N4BP2: variants seen among roughly 807,000 people sequenced by gnomAD.
The protein encoded by N4BP2 is NEDD4-binding protein 2.
N4BP2 carries 91 observed loss-of-function variants against 152.8 expected under a neutral mutation model. The observed-to-expected ratio is 0.60, with a 90% CI of 0.50 to 0.71. N4BP2 has a LOEUF of 0.71. Among genes scored for constraint, N4BP2 ranks in the 30% least tolerant of loss-of-function variants. The pLI is 0.00. For missense variants in N4BP2, 1,923 were observed against 2,059.1 expected (o/e 0.93, Z 1.28); for synonymous variants, 646 against 705.3 (o/e 0.92, Z 1.33).
intron 13 of N4BP2, among the ~76,000 whole-genome samples, chr4:40,134,883 TCCTC>T (rs1319149182): frequency 1.1e-3 from 151 of 142,892 alleles, no homozygotes; most frequent in African/African-American, 3.5e-3. Flanking sequence ...CTTTCTTCCT[TCCTC>T]CCTTCCTTCC....
In N4BP2 at chr4:40,102,056, T is replaced by C; in HGVS notation, c.230-19T>C. ...CTGTCTATATTTTTGTTGTTGTTAT[T>C]ATTCTTGTTGTTGTACAGTTGAAAA... On this transcript the variant is annotated intron_variant, in intron 3 of 17. Coordinates refer to ENST00000261435, the MANE Select transcript of N4BP2 (RefSeq NM_018177.6). 6.9e-7 allele frequency: 1 copy of C among 1,454,424 alleles called. No homozygotes were observed. Among genetic ancestry groups the C allele is most frequent in the Middle Eastern group, 1.8e-4 (1 of 5,496 alleles). The allele number at this position is 1,454,424 out of a possible 1,614,324, so 90.1% of individuals were successfully genotyped here. A position where few individuals can be genotyped will look rare whatever the true frequency, so the allele number is the denominator to read the frequency against.
rs572102749 is a variant in N4BP2, at chr4:40,154,283, T to A, written c.*46T>A. On this transcript the variant is annotated 3_prime_UTR_variant, in exon 18 of 18. Transcript: ENST00000261435. ...AAGTATGAAGGTTTGTAGGTTAAAA[T>A]TACTTTTATTTGCAGTAATTCAGTC... 2.3e-6 allele frequency: 3 copies of A among 1,287,984 alleles called. No homozygotes were observed. The South Asian group carries it at 3.9e-5, about 17-fold the overall frequency. The allele number at this position is 1,287,984 out of a possible 1,614,324, so 79.8% of individuals were successfully genotyped here. A position where few individuals can be genotyped will look rare whatever the true frequency, so the allele number is the denominator to read the frequency against.
the N4BP2 span, among the ~76,000 whole-genome samples, chr4:40,175,831 C>T: frequency 1.3e-4 from 19 of 148,004 alleles, 1 homozygote; most frequent in Admixed American, 1.3e-3. Flanking sequence ...AAAAAAAGGC[C>T]TGTATTCCCA....
chr4:40,102,808 C>T lies in N4BP2; in HGVS notation c.963C>T (p.Ser321=), dbSNP rs751077254. 5.1e-5 allele frequency: 82 copies of T among 1,613,980 alleles called. No homozygotes were observed. The highest frequency in any genetic ancestry group is 6.7e-5 in the East Asian group (3 of 44,900). ...STRVSDVFLP[S]EGFNFKPHKH... ...GGGTCTCTGATGTGTTTCTACCTTC[C>T]GAAGGGTTCAACTTCAAGCCACACA... Residue 321 remains serine (S), a synonymous_variant, in exon 4 of 18, where the codon TCC becomes TCT. Coordinates refer to ENST00000261435, the MANE Select transcript of N4BP2 (RefSeq NM_018177.6).
chr4:40,125,955 C>G (rs142902061), intron 11 of N4BP2, among the ~76,000 whole-genome samples, 179 bp from the exon 12 acceptor site: 1 of 151,266 alleles, frequency 6.6e-6, no homozygotes, highest in Non-Finnish European at 1.5e-5. Flanking sequence ...TTAACACATA[C>G]TATTTCTTAC....
rs1220188753 is a variant in N4BP2, at chr4:40,142,695, A to C, written c.4808A>C (p.Glu1603Ala). ...EKKPKKLKETEETPSELSFQD... is the reference protein window; with the variant it reads ...EKKPKKLKETAETPSELSFQD... The stretch of plus-strand genomic sequence containing the variant: ...TAGCCAAAGAAATTAAAAGAGACTG[A>C]AGAAACACCAAGTGAACTGTCTTTC... The change falls in exon 15 of 18, where the codon GAA (glutamate) becomes GCA (alanine). Residue 1603 changes from glutamate (E) to alanine (A), a missense_variant. Physicochemically the swap from Glu to Ala is moderately radical, Grantham distance 107 (BLOSUM62 -1). Transcript: ENST00000261435. The C allele has an allele frequency of 6.2e-7, 1 of 1,610,626 alleles. No individual in the cohort carries two copies. Among genetic ancestry groups the C allele is most frequent in the Admixed American group, 1.7e-5 (1 of 58,882 alleles).
At chr4:40,141,483 A>G (rs1719956364) in intron 14 of N4BP2, among the ~76,000 whole-genome samples, 1 of 145,780 alleles carries the variant, frequency 6.9e-6, no homozygotes, top group East Asian at 2.5e-4. Flanking sequence ...CACATCTCAG[A>G]CGATGGGCGG....
chr4:40,123,298 G>C, intron 10 of N4BP2, 86 bp downstream of exon 10: 1 of 884,862 alleles, frequency 1.1e-6, no homozygotes, highest in East Asian at 2.5e-5. Context: ...ATAATATTAA[G>C]GAGTTCTATT....
At chr4:40,067,915 G>A (rs1339717273) in intron 1 of N4BP2, among the ~76,000 whole-genome samples, 1 of 151,918 alleles carries the variant, frequency 6.6e-6, no homozygotes, top group African/African-American at 2.4e-5. Context: ...CCTGACCTCA[G>A]GTAATCCACC....
chr4:40,180,201 T>A, the N4BP2 span, among the ~76,000 whole-genome samples: 1 of 152,188 alleles, frequency 6.6e-6, no homozygotes, highest in Non-Finnish European at 1.5e-5. Context: ...ATCTTTCATA[T>A]ACAAACAACT....
the N4BP2 span, among the ~76,000 whole-genome samples, chr4:40,168,914 C>T: frequency 5.3e-5 from 8 of 151,664 alleles, no homozygotes; most frequent in African/African-American, 1.7e-4. Context: ...TTAGTAGAGA[C>T]GAGGTTTCAC....
chr4:40,174,958 TAAGTAA>T, the N4BP2 span, among the ~76,000 whole-genome samples: 4 of 152,074 alleles, frequency 2.6e-5, no homozygotes, highest in African/African-American at 9.7e-5. Flanking sequence ...GACATTATGT[TAAGTAA>T]AATAAGCCAG....
chr4:40,106,802 A>G, intron 4 of N4BP2, 98 bp from the exon 5 acceptor site: 2 of 1,142,158 alleles, frequency 1.8e-6, no homozygotes, highest in Non-Finnish European at 2.5e-6. Context: ...ACAAAATGAT[A>G]GTACTTGAAT....
intron 4 of N4BP2, among the ~76,000 whole-genome samples, chr4:40,106,559 A>AT (rs1234328453): frequency 2.0e-5 from 3 of 151,680 alleles, no homozygotes; most frequent in South Asian, 4.2e-4. Context: ...TTATTTATTT[A>AT]TTTTTTTGAG....
chr4:40,086,758 A>G (rs1296183549), intron 2 of N4BP2, among the ~76,000 whole-genome samples: 2 of 152,014 alleles, frequency 1.3e-5, no homozygotes, highest in Non-Finnish European at 2.9e-5. Flanking sequence ...TTATTTATTT[A>G]TACTTTTGAG....
intron 5 of N4BP2, among the ~76,000 whole-genome samples, chr4:40,109,654 G>A (rs991936968): frequency 1.3e-5 from 2 of 151,614 alleles, no homozygotes; most frequent in Non-Finnish European, 2.9e-5. Flanking sequence ...GGAGGCGGAG[G>A]TTTCAGTGAG....
chr4:40,072,567 T>C (rs915744426), intron 1 of N4BP2, among the ~76,000 whole-genome samples: 51 of 151,942 alleles, frequency 3.4e-4, no homozygotes, highest in African/African-American at 1.2e-3. Context: ...TTTGTAATTT[T>C]AGTAGAGATG....
chr4:40,082,072 A>G (rs1560577406), intron 2 of N4BP2, among the ~76,000 whole-genome samples: 1 of 152,138 alleles, frequency 6.6e-6, no homozygotes. Flanking sequence ...AGGTTGCGCC[A>G]TTGCACTCTA....
intron 4 of N4BP2, 47 bp downstream of exon 4, chr4:40,103,265 T>A: frequency 2.7e-6 from 4 of 1,494,258 alleles, no homozygotes; most frequent in Non-Finnish European, 3.6e-6. Flanking sequence ...ATGTCTGAAT[T>A]TGAACACAAG....
Sources: allele counts gnomAD v4.1 joint callset (sites outside exome capture counted in the v4.1 genomes callset), GRCh38; gene constraint gnomAD v4.1.1; transcripts MANE v1.5; gene names NCBI Gene and HGNC (gene_info 2026-07-23, HGNC 2026-07-21).